ADGRG7: variants seen among roughly 807,000 people sequenced by gnomAD.
ADGRG7 encodes the protein adhesion G protein-coupled receptor G7.
Under a neutral mutation model 88.6 loss-of-function variants are expected in ADGRG7, and 82 were observed. The ratio of observed to expected loss-of-function variants is 0.93; its 90% CI spans 0.77 to 1.11. The LOEUF (loss-of-function observed/expected upper bound fraction) is 1.11. ADGRG7 is among the 50% of genes most tolerant of loss of function. The pLI is 0.00. For synonymous variants in ADGRG7, 381 were observed against 345.2 expected, an observed-to-expected ratio of 1.10 and a Z score of -1.15; for missense variants, 945 against 953.4, an observed-to-expected ratio of 0.99 and a Z score of 0.12.
chr3:100,657,660 T>C (rs2094939486), intron 13 of ADGRG7, among the ~76,000 whole-genome samples: 2 of 152,226 alleles, frequency 1.3e-5, no homozygotes, highest in Admixed American at 6.5e-5. Context: ...AAACACTTCA[T>C]CTGCATCCAG....
intron 1 of ADGRG7, among the ~76,000 whole-genome samples, chr3:100,619,597 C>CA (rs1707278664): frequency 6.6e-6 from 1 of 151,970 alleles, no homozygotes; most frequent in South Asian, 2.1e-4. Context: ...AAAAACCCTT[C>CA]AAAAAATCAA....
chr3:100,626,119 GCT>G (rs1293710476), intron 1 of ADGRG7, among the ~76,000 whole-genome samples: 3 of 152,178 alleles, frequency 2.0e-5, no homozygotes, highest in Non-Finnish European at 4.4e-5. Context: ...GTAGAATGCA[GCT>G]CTGTGAATCC....
At chr3:100,680,022 A>C (rs981933086) in intron 15 of ADGRG7, among the ~76,000 whole-genome samples, 17 of 152,154 alleles carry the variant, frequency 1.1e-4, no homozygotes, top group Admixed American at 1.0e-3. Flanking sequence ...TTAAAGGTAC[A>C]CCTATCCTTA....
chr3:100,623,193 T>A (rs1195824090), intron 1 of ADGRG7, among the ~76,000 whole-genome samples: 5 of 152,170 alleles, frequency 3.3e-5, no homozygotes, highest in African/African-American at 9.7e-5. Flanking sequence ...AAGTTGCAAA[T>A]GTATTCTCCT....
chr3:100,691,951 C>G (rs1046848862), intron 15 of ADGRG7, among the ~76,000 whole-genome samples: 5 of 152,106 alleles, frequency 3.3e-5, no homozygotes, highest in African/African-American at 7.2e-5. Context: ...TGTTCAATAT[C>G]AGGATGAGCT....
intron 15 of ADGRG7, among the ~76,000 whole-genome samples, chr3:100,680,723 T>C (rs576846383): frequency 1.3e-5 from 2 of 152,296 alleles, no homozygotes; most frequent in African/African-American, 2.4e-5. Flanking sequence ...TAGAATCTTA[T>C]AACAATATAA....
At chr3:100,633,234 AT>A (rs1707480351) in intron 3 of ADGRG7, 30 bp from the exon 4 acceptor site, 1 of 1,103,556 alleles carries the variant, frequency 9.1e-7, no homozygotes, top group African/African-American at 1.6e-5. Flanking sequence ...ATAAATACTT[AT>A]TTTTAATAAA....
intron 15 of ADGRG7, among the ~76,000 whole-genome samples, chr3:100,672,696 T>C (rs1411968932): frequency 6.6e-6 from 1 of 152,198 alleles, no homozygotes; most frequent in East Asian, 1.9e-4. Flanking sequence ...TGTGGGTTTG[T>C]CATAAATAGC....
chr3:100,686,856 C>T (rs1221307696), intron 15 of ADGRG7, among the ~76,000 whole-genome samples: 8 of 152,136 alleles, frequency 5.3e-5, no homozygotes, highest in African/African-American at 1.2e-4. Flanking sequence ...CTTGGCGATG[C>T]GGGCTCTTTT....
At chr3:100,655,616 G>A (rs1022062391) in intron 12 of ADGRG7, among the ~76,000 whole-genome samples, 4 of 152,196 alleles carry the variant, frequency 2.6e-5, no homozygotes, top group Admixed American at 6.5e-5. Context: ...GTATTCAAGT[G>A]ACTGAGGAAC....
At chr3:100,638,842 CA>C (rs1474332666) in intron 6 of ADGRG7, among the ~76,000 whole-genome samples, 1 of 152,120 alleles carries the variant, frequency 6.6e-6, no homozygotes, top group African/African-American at 2.4e-5. Context: ...TGTTGGTATT[CA>C]CTGTATTTTT....
chr3:100,638,077 A>G (rs750281752), intron 6 of ADGRG7, among the ~76,000 whole-genome samples: 32 of 152,204 alleles, frequency 2.1e-4, no homozygotes, highest in Non-Finnish European at 4.0e-4. Flanking sequence ...TCTTAGCTCC[A>G]CCATCCATGG....
intron 15 of ADGRG7, among the ~76,000 whole-genome samples, chr3:100,689,161 T>C (rs919223397): frequency 8.5e-5 from 13 of 152,330 alleles, no homozygotes; most frequent in South Asian, 2.1e-4. Context: ...TGATCTTTGT[T>C]GGTTTAAAGT....
intron 15 of ADGRG7, among the ~76,000 whole-genome samples, chr3:100,678,425 G>C (rs1426317094): frequency 3.3e-5 from 5 of 151,936 alleles, no homozygotes; most frequent in African/African-American, 1.2e-4. Flanking sequence ...TCTGGGATTG[G>C]TCACTGGTGC....
chr3:100,621,542 C>T (rs541069033), intron 1 of ADGRG7, among the ~76,000 whole-genome samples: 1 of 152,300 alleles, frequency 6.6e-6, no homozygotes, highest in East Asian at 1.9e-4. Context: ...AAGGCTCTAA[C>T]TTGTTTCAAT....
In ADGRG7 at chr3:100,649,694, G is replaced by T; in HGVS notation, c.1267-1G>T. 6.4e-7 allele frequency: 1 copy of T among 1,555,208 alleles called. No individual in the cohort carries two copies. Among genetic ancestry groups the T allele is most frequent in the South Asian group, 1.1e-5 (1 of 88,512 alleles). On this transcript the variant is annotated splice_acceptor_variant, in intron 10 of 15. Transcript: ENST00000273352. LOFTEE classifies it high-confidence loss of function. Reference sequence around the variant, plus strand: ...AATATGAGTCTTACCTTGTTTTTCAGACTTTCAAAAAGGATTATCAATATC... The same window carrying T: ...AATATGAGTCTTACCTTGTTTTTCATACTTTCAAAAAGGATTATCAATATC...
chr3:100,676,442 A>G (rs1198196499), intron 15 of ADGRG7, among the ~76,000 whole-genome samples: 1 of 151,814 alleles, frequency 6.6e-6, no homozygotes, highest in Non-Finnish European at 1.5e-5. Flanking sequence ...TTCTAGTTTT[A>G]TTGCGTTGTG....
At position 100,635,733 on chromosome 3, in the gene ADGRG7, A is replaced by G. The variant is rs1304624925; in HGVS notation, c.504A>G (p.Thr168=). 1 of 1,614,040 alleles carries G rather than the reference A, an allele frequency of 6.2e-7. No individual in the cohort carries two copies. The highest frequency in any genetic ancestry group is 1.1e-5 in the South Asian group (1 of 91,080). The change falls in exon 5 of 16, where the codon ACA becomes ACG. Residue 168 remains threonine (T), a synonymous_variant. Transcript: ENST00000273352. The part of the protein sequence containing the change: ...NNISSEVQIL[T]SDANKLTAEN... ...TTTCTTCTGAAGTCCAGATTTTAACATCTGATGCCAATAAATTAACTGCTG... is the reference window on the plus strand; with the variant it reads ...TTTCTTCTGAAGTCCAGATTTTAACGTCTGATGCCAATAAATTAACTGCTG...
intron 4 of ADGRG7, chr3:100,635,475 A>T (rs1161085577): frequency 3.3e-6 from 4 of 1,215,152 alleles, no homozygotes; most frequent in Non-Finnish European, 3.2e-6. Context: ...ATCCTGTCAA[A>T]CAGGAAAGGC....
Sources: allele counts gnomAD v4.1 joint callset (sites outside exome capture counted in the v4.1 genomes callset), GRCh38; gene constraint gnomAD v4.1.1; transcripts MANE v1.5; gene names NCBI Gene and HGNC (gene_info 2026-07-23, HGNC 2026-07-21).